PXDNL: variants seen among roughly 807,000 people sequenced by gnomAD.
PXDNL encodes the protein probable oxidoreductase PXDNL.
A neutral mutation model predicts 150.8 loss-of-function variants in PXDNL; 145 were observed. The observed-to-expected ratio is 0.96, with a 90% confidence interval of 0.84 to 1.10. PXDNL has a LOEUF of 1.10. PXDNL is among the 50% of genes least tolerant of loss of function. PXDNL has a pLI of 0.00. For synonymous variants in PXDNL, 757 were observed against 725.7 expected, an observed-to-expected ratio of 1.04 and a Z score of -0.69; for missense variants, 2,087 against 1,873.9, an observed-to-expected ratio of 1.11 and a Z score of -2.10.
At position 51,339,694 on chromosome 8, in the gene PXDNL, G is replaced by GT; in HGVS notation, c.4075dup (p.Thr1359AsnfsTer41). 1 of 1,613,386 alleles carries GT rather than the reference G, an allele frequency of 6.2e-7. No individual in the cohort carries two copies. The highest frequency in any genetic ancestry group is 8.5e-7 in the Non-Finnish European group (1 of 1,179,598). On this transcript the variant is annotated frameshift_variant, in exon 21 of 23. Coordinates refer to ENST00000356297, the MANE Select transcript of PXDNL (RefSeq NM_144651.5). LOFTEE classifies it high-confidence loss of function. ...CGTGCTGAAATCTTGGGAGAACTTT[G>GT]TTTTTGCCAGAACTGTCACATTTCT... is the stretch of plus-strand genomic sequence containing the variant.
intron 1 of PXDNL, among the ~76,000 whole-genome samples, chr8:51,790,538 T>C (rs2037502066): frequency 6.6e-6 from 1 of 152,214 alleles, no homozygotes; most frequent in Non-Finnish European, 1.5e-5. Flanking sequence ...TCTTCTGGCA[T>C]CCAGGAGCAA....
chr8:51,771,180 C>T (rs912010903), intron 1 of PXDNL, among the ~76,000 whole-genome samples: 14 of 152,136 alleles, frequency 9.2e-5, no homozygotes, highest in African/African-American at 3.1e-4. Flanking sequence ...CCAAGTGACA[C>T]AAGAAACATT....
chr8:51,451,272 C>T (rs1809803241), intron 10 of PXDNL, among the ~76,000 whole-genome samples: 2 of 152,042 alleles, frequency 1.3e-5, no homozygotes, highest in African/African-American at 2.4e-5. Flanking sequence ...CACATCTTAG[C>T]AAAGCATAGA....
At chr8:51,542,509 A>AAG (rs1046310943) in intron 4 of PXDNL, among the ~76,000 whole-genome samples, 1 of 143,300 alleles carries the variant, frequency 7.0e-6, no homozygotes. Context: ...AAAAAAAAAA[A>AAG]AGAGAGAGAG....
intron 1 of PXDNL, among the ~76,000 whole-genome samples, chr8:51,760,845 C>CTTTTTTTTATTTTTTTTTTTTT (rs2037154800): frequency 2.2e-5 from 1 of 45,478 alleles, no homozygotes; most frequent in Admixed American, 3.7e-4. Flanking sequence ...ATCACTTAAA[C>CTTTTTTTTATTTTTTTTTTTTT]TTTTTTTTTT....
intron 17 of PXDNL, among the ~76,000 whole-genome samples, chr8:51,398,774 T>C (rs545469741): frequency 1.3e-5 from 2 of 152,230 alleles, no homozygotes; most frequent in South Asian, 4.2e-4. Flanking sequence ...GGAAGCAAAA[T>C]TGGAATTCAC....
intron 2 of PXDNL, among the ~76,000 whole-genome samples, chr8:51,642,987 G>A (rs953211468): frequency 6.6e-6 from 1 of 152,142 alleles, no homozygotes; most frequent in Non-Finnish European, 1.5e-5. Flanking sequence ...ACTTACAAGG[G>A]ATGTGAAGGA....
At chr8:51,439,735 G>T (rs1033864938) in intron 12 of PXDNL, among the ~76,000 whole-genome samples, 1 of 144,750 alleles carries the variant, frequency 6.9e-6, no homozygotes, top group African/African-American at 2.5e-5. Flanking sequence ...TGAGGCAGGA[G>T]AATTGCTTGA....
rs1808566695 is a variant in PXDNL, at chr8:51,409,554, C to A, written c.2070G>T (p.Arg690=). 6.4e-7 allele frequency: 1 copy of A among 1,569,930 alleles called. No individual in the cohort carries two copies. Among genetic ancestry groups the A allele is most frequent in the African/African-American group, 1.4e-5 (1 of 73,154 alleles). ...AGCGCGGGGACACCAAGTCATTGTA[C>A]CGGAATTCTGAAAGGCAAGCGGCGA... ...LTVDLEGKEF[R]YNDLVSPRSL... Residue 690 remains arginine (R), a synonymous_variant, in exon 17 of 23, where the codon CGG becomes CGT. Transcript: ENST00000356297.
intron 4 of PXDNL, among the ~76,000 whole-genome samples, chr8:51,523,201 T>G (rs1161944417): frequency 6.6e-6 from 1 of 152,218 alleles, no homozygotes; most frequent in African/African-American, 2.4e-5. Flanking sequence ...AAAAGTCGAT[T>G]AAGATAGTAG....
At chr8:51,649,547 C>T (rs748237059) in intron 2 of PXDNL, among the ~76,000 whole-genome samples, 4 of 152,060 alleles carry the variant, frequency 2.6e-5, no homozygotes, top group Non-Finnish European at 5.9e-5. Flanking sequence ...CATATTTAGT[C>T]ATTGTAAAGC....
intron 1 of PXDNL, among the ~76,000 whole-genome samples, chr8:51,779,256 C>T (rs935915558): frequency 6.6e-6 from 1 of 152,174 alleles, no homozygotes; most frequent in Admixed American, 6.5e-5. Flanking sequence ...CAACCAGTTT[C>T]CAAGTGTCCT....
At chr8:51,604,887 CAT>C (rs34591755) in intron 2 of PXDNL, among the ~76,000 whole-genome samples, 12,807 of 152,212 alleles carry the variant, frequency 0.084, 619 homozygotes, top group South Asian at 0.095. Flanking sequence ...TACATCATCA[CAT>C]GACTTCCATT....
intron 12 of PXDNL, among the ~76,000 whole-genome samples, chr8:51,433,488 G>A (rs910598389): frequency 1.3e-5 from 2 of 151,844 alleles, no homozygotes; most frequent in Non-Finnish European, 2.9e-5. Flanking sequence ...TAAGTTTTTT[G>A]TCCATAATTT....
At chr8:51,446,840 T>C (rs145298375) in intron 12 of PXDNL, among the ~76,000 whole-genome samples, 164 bp downstream of exon 12, 115 of 152,272 alleles carry the variant, frequency 7.6e-4, no homozygotes, top group African/African-American at 2.6e-3. Context: ...ACTGAAGTTA[T>C]ATAAAAGACT....
chr8:51,400,299 G>C (rs2130861317), intron 17 of PXDNL, among the ~76,000 whole-genome samples: 1 of 152,230 alleles, frequency 6.6e-6, no homozygotes, highest in Admixed American at 6.5e-5. Flanking sequence ...TTGTGCACCT[G>C]TTTTAACTGA....
intron 1 of PXDNL, among the ~76,000 whole-genome samples, chr8:51,752,712 T>C (rs959925756): frequency 6.6e-6 from 1 of 152,232 alleles, no homozygotes; most frequent in Non-Finnish European, 1.5e-5. Flanking sequence ...TTAAAATTAC[T>C]GTTCATGCCT....
intron 1 of PXDNL, among the ~76,000 whole-genome samples, chr8:51,700,649 T>C (rs539740941): frequency 1.3e-5 from 2 of 151,738 alleles, no homozygotes; most frequent in Non-Finnish European, 2.9e-5. Context: ...TATATGCACA[T>C]GTATACACAC....
chr8:51,574,218 T>TA (rs1217942122), intron 3 of PXDNL, among the ~76,000 whole-genome samples: 2 of 151,398 alleles, frequency 1.3e-5, no homozygotes, highest in Non-Finnish European at 2.9e-5. Context: ...ATAGGAAATA[T>TA]AAAAAACACC....
Sources: allele counts gnomAD v4.1 joint callset (sites outside exome capture counted in the v4.1 genomes callset), GRCh38; gene constraint gnomAD v4.1.1; transcripts MANE v1.5; gene names NCBI Gene and HGNC (gene_info 2026-07-23, HGNC 2026-07-21).